ZCWPW2: variants seen among roughly 807,000 people sequenced by gnomAD.
ZCWPW2 encodes the protein zinc finger CW-type and PWWP domain containing 2.
Under a neutral mutation model 46.6 loss-of-function variants are expected in ZCWPW2, and 45 were observed. The ratio of observed to expected loss-of-function variants is 0.96; its 90% CI spans 0.76 to 1.24. The LOEUF is 1.24. Ranked by LOEUF, ZCWPW2 falls within the 50% of genes most tolerant of loss-of-function variation. The pLI is 0.00. For synonymous variants in ZCWPW2, 152 were observed against 137.1 expected (o/e 1.11, Z -0.76); for missense variants, 429 against 403.9 (o/e 1.06, Z -0.53).
At chr3:28,459,503 A>G (rs1242300185) in intron 4 of ZCWPW2, among the ~76,000 whole-genome samples, 1 of 152,190 alleles carries the variant, frequency 6.6e-6, no homozygotes, top group Non-Finnish European at 1.5e-5. Flanking sequence ...ACTAAAGAAG[A>G]TATTTATGTG....
chr3:28,509,161 GTCAGTACT>G (rs1157705500), intron 6 of ZCWPW2, among the ~76,000 whole-genome samples: 1 of 152,072 alleles, frequency 6.6e-6, no homozygotes, highest in African/African-American at 2.4e-5. Flanking sequence ...TGTGGCATGT[GTCAGTACT>G]TCATCATTTT....
chr3:28,500,149 G>T (rs1475675382), intron 6 of ZCWPW2, among the ~76,000 whole-genome samples: 1 of 151,946 alleles, frequency 6.6e-6, no homozygotes, highest in Non-Finnish European at 1.5e-5. Context: ...ATGCTGAAGT[G>T]CTCTCACCAT....
At chr3:28,435,485 C>CT (rs1197458440) in intron 4 of ZCWPW2, among the ~76,000 whole-genome samples, 2,184 of 134,096 alleles carry the variant, frequency 0.016, 50 homozygotes, top group African/African-American at 0.043. Context: ...TTCTTTCTGT[C>CT]TTTTTTTTTT....
intron 2 of ZCWPW2, among the ~76,000 whole-genome samples, chr3:28,403,962 C>T (rs970543731): frequency 1.3e-5 from 2 of 151,948 alleles, no homozygotes; most frequent in Non-Finnish European, 2.9e-5. Flanking sequence ...TATTGGAAAA[C>T]CCCTTCTAGA....
chr3:28,483,347 G>T (rs1183107146), intron 5 of ZCWPW2, among the ~76,000 whole-genome samples: 1 of 152,060 alleles, frequency 6.6e-6, no homozygotes, highest in Non-Finnish European at 1.5e-5. Flanking sequence ...TGATCTATTT[G>T]TCTGTTCTTT....
At chr3:28,467,460 A>G (rs992690772) in intron 4 of ZCWPW2, among the ~76,000 whole-genome samples, 1 of 152,120 alleles carries the variant, frequency 6.6e-6, no homozygotes, top group South Asian at 2.1e-4. Context: ...AACAATCACA[A>G]CCTACTGATT....
intron 2 of ZCWPW2, among the ~76,000 whole-genome samples, chr3:28,412,367 ATTTAT>A (rs1216508144): frequency 2.0e-5 from 3 of 151,978 alleles, no homozygotes; most frequent in Admixed American, 1.3e-4. Context: ...ACTATATGAG[ATTTAT>A]TTAATTTTTA....
chr3:28,379,675 AGG>A (rs1705610859), intron 1 of ZCWPW2, among the ~76,000 whole-genome samples: 1 of 152,208 alleles, frequency 6.6e-6, no homozygotes, highest in African/African-American at 2.4e-5. Flanking sequence ...TAAGGAACTT[AGG>A]ACATACAAGG....
In ZCWPW2 at chr3:28,520,958, T is replaced by C. The variant is rs912509712; in HGVS notation, c.785-34T>C. ...GAATTAGATTGAATTAAGTGAGATG[T>C]AGCATTTTTACTGTATTAATCCTGT... On this transcript the variant is annotated intron_variant, in intron 8 of 9. Transcript: ENST00000383768. The C allele has an allele frequency of 1.9e-6, 3 of 1,609,582 alleles. No individual in the cohort carries two copies. The African/African-American group carries it at 4.0e-5, about 22-fold the overall frequency.
chr3:28,469,825 A>G (rs551822102), intron 4 of ZCWPW2, among the ~76,000 whole-genome samples: 1 of 152,266 alleles, frequency 6.6e-6, no homozygotes, highest in African/African-American at 2.4e-5. Flanking sequence ...CAATACAGTA[A>G]TAGCTGGAGA....
At chr3:28,364,727 T>G (rs1705065141) in intron 1 of ZCWPW2, among the ~76,000 whole-genome samples, 2 of 151,900 alleles carry the variant, frequency 1.3e-5, no homozygotes, top group South Asian at 2.1e-4. Flanking sequence ...ACGTGCCATG[T>G]TGGTGTGCTG....
chr3:28,380,740 A>G (rs149402258), intron 1 of ZCWPW2, among the ~76,000 whole-genome samples: 3 of 151,550 alleles, frequency 2.0e-5, no homozygotes, highest in East Asian at 2.0e-4. Flanking sequence ...ATTTTTCCCT[A>G]CATGGAATAT....
At chr3:28,352,823 C>T (rs1704607494) in intron 1 of ZCWPW2, among the ~76,000 whole-genome samples, 1 of 151,952 alleles carries the variant, frequency 6.6e-6, no homozygotes, top group Non-Finnish European at 1.5e-5. Context: ...GGTATATGGC[C>T]TAATGAGGGA....
chr3:28,360,504 CAG>C lies in ZCWPW2; in HGVS notation c.-134+11304_-134+11305del, dbSNP rs932880166. 2.6e-3 allele frequency among the ~76,000 whole-genome samples: 381 copies of C among 145,840 alleles called. 2 individuals are homozygous for C. Among genetic ancestry groups the C allele is most frequent in the African/African-American group, 9.2e-3 (360 of 39,236 alleles). ...CACCACGGCACTCCAGCCTGGGTGA[CAG>C]AGCAAGACTTTGTCTGAAAAAAAAA... On this transcript the variant is annotated intron_variant, in intron 1 of 9. Transcript: ENST00000383768.
intron 3 of ZCWPW2, among the ~76,000 whole-genome samples, chr3:28,421,906 C>G (rs1366391508): frequency 1.4e-5 from 2 of 146,142 alleles, no homozygotes; most frequent in South Asian, 2.2e-4. Context: ...ATTCAAAGTT[C>G]CAGAGCCCTT....
intron 3 of ZCWPW2, among the ~76,000 whole-genome samples, chr3:28,427,652 T>C (rs1370918703): frequency 6.6e-6 from 1 of 152,210 alleles, no homozygotes; most frequent in Non-Finnish European, 1.5e-5. Context: ...TTTTTATTTA[T>C]AAAGTAATAA....
intron 1 of ZCWPW2, among the ~76,000 whole-genome samples, chr3:28,373,418 C>A (rs1485372157): frequency 8.6e-5 from 13 of 151,808 alleles, no homozygotes; most frequent in African/African-American, 3.1e-4. Context: ...TGATGTTGAG[C>A]CTTTTTTCAT....
chr3:28,395,299 A>G (rs1386801481), intron 2 of ZCWPW2, among the ~76,000 whole-genome samples: 2 of 152,114 alleles, frequency 1.3e-5, no homozygotes, highest in African/African-American at 4.8e-5. Flanking sequence ...TTGCACTGTA[A>G]TGTAAATGGG....
chr3:28,364,309 A>G (rs946290495), intron 1 of ZCWPW2, among the ~76,000 whole-genome samples: 3 of 147,376 alleles, frequency 2.0e-5, no homozygotes, highest in Non-Finnish European at 3.1e-5. Flanking sequence ...ATAGACATAT[A>G]TAAAAACATT....
Sources: allele counts gnomAD v4.1 joint callset (sites outside exome capture counted in the v4.1 genomes callset), GRCh38; gene constraint gnomAD v4.1.1; transcripts MANE v1.5; gene names NCBI Gene and HGNC (gene_info 2026-07-23, HGNC 2026-07-21).